The following LRP1B variants were observed in gnomAD, a reference collection of about 807,000 sequenced individuals.
The protein encoded by LRP1B is low-density lipoprotein receptor-related protein 1B.
A neutral mutation model predicts 556.6 loss-of-function variants in LRP1B; 217 were observed. That is an observed-to-expected ratio of 0.39 (90% CI 0.35 to 0.44). The LOEUF (loss-of-function observed/expected upper bound fraction) is 0.44, where lower values mean the gene tolerates loss of function less well. LRP1B is among the 20% of genes least tolerant of loss of function. The probability of loss-of-function intolerance (pLI) is 1.00; values close to 1 mark genes in which losing one functional copy is unlikely to be tolerated. For synonymous variants in LRP1B, 2,047 were observed against 1,865.8 expected, an observed-to-expected ratio of 1.10 and a Z score of -2.50; for missense variants, 5,053 against 5,620.8, an observed-to-expected ratio of 0.90 and a Z score of 3.23.
intron 2 of LRP1B, among the ~76,000 whole-genome samples, chr2:141,661,018 A>G (rs1690199592): frequency 6.6e-6 from 1 of 152,210 alleles, no homozygotes; most frequent in Non-Finnish European, 1.5e-5. Context: ...CTCCAGGTGC[A>G]GGAGGGAACC....
intron 1 of LRP1B, among the ~76,000 whole-genome samples, chr2:142,083,589 A>G (rs1574665969): frequency 6.6e-6 from 1 of 152,214 alleles, no homozygotes; most frequent in Non-Finnish European, 1.5e-5. Flanking sequence ...CTCTTGAGGA[A>G]TTCAGATGGA....
intron 61 of LRP1B, 110 bp from the exon 62 acceptor site, chr2:140,456,713 T>C: frequency 8.5e-6 from 8 of 936,662 alleles, no homozygotes; most frequent in Non-Finnish European, 1.1e-5. Flanking sequence ...TTAGAATAAA[T>C]CTTTGTACTC....
chr2:140,723,324 A>G (rs904931426), intron 35 of LRP1B, among the ~76,000 whole-genome samples: 1 of 152,182 alleles, frequency 6.6e-6, no homozygotes, highest in African/African-American at 2.4e-5. Context: ...AACTTTGGGA[A>G]CATCAAAAAC....
chr2:141,093,588 T>G (rs1396656116), intron 7 of LRP1B, among the ~76,000 whole-genome samples: 1 of 152,116 alleles, frequency 6.6e-6, no homozygotes, highest in Non-Finnish European at 1.5e-5. Flanking sequence ...CTGCCTGCTG[T>G]GCAAACACAG....
chr2:141,592,837 T>C (rs757056190), intron 2 of LRP1B, among the ~76,000 whole-genome samples: 11 of 152,114 alleles, frequency 7.2e-5, no homozygotes, highest in Non-Finnish European at 1.5e-4. Context: ...TACTCTGGAG[T>C]GTATTCAAGC....
intron 19 of LRP1B, 65 bp downstream of exon 19, chr2:140,951,795 C>T (rs2105302474): frequency 7.8e-7 from 1 of 1,274,480 alleles, no homozygotes; most frequent in Non-Finnish European, 1.1e-6. Flanking sequence ...TGAAGAAAGC[C>T]AGGCAGTCCA....
intron 2 of LRP1B, among the ~76,000 whole-genome samples, chr2:141,733,587 A>G (rs963081426): frequency 3.3e-5 from 5 of 152,068 alleles, no homozygotes. Context: ...ATAAAGTTTA[A>G]ATTGCTTAGC....
At chr2:141,767,519 A>G (rs1406481726) in intron 2 of LRP1B, among the ~76,000 whole-genome samples, 3 of 152,094 alleles carry the variant, frequency 2.0e-5, no homozygotes, top group African/African-American at 7.2e-5. Flanking sequence ...TGATGAATAG[A>G]CCGTTCATTT....
At chr2:141,962,994 T>G (rs542200768) in intron 1 of LRP1B, among the ~76,000 whole-genome samples, 67 of 151,968 alleles carry the variant, frequency 4.4e-4, no homozygotes, top group African/African-American at 1.5e-3. Context: ...GGATTCATAC[T>G]TTTTTTAATC....
At chr2:141,369,052 G>A (rs375673863) in intron 3 of LRP1B, among the ~76,000 whole-genome samples, 3 of 152,030 alleles carry the variant, frequency 2.0e-5, no homozygotes, top group African/African-American at 7.2e-5. Flanking sequence ...TTGCCAATTT[G>A]CCCTTGCAGA....
intron 37 of LRP1B, among the ~76,000 whole-genome samples, chr2:140,708,278 A>T (rs1686911312): frequency 6.6e-6 from 1 of 151,942 alleles, no homozygotes; most frequent in African/African-American, 2.4e-5. Flanking sequence ...AGGCAAAAAT[A>T]AAGATATAGG....
At chr2:142,039,770 C>T (rs1361857400) in intron 1 of LRP1B, among the ~76,000 whole-genome samples, 1 of 151,522 alleles carries the variant, frequency 6.6e-6, no homozygotes, top group Non-Finnish European at 1.5e-5. Context: ...ATCATATTCA[C>T]TATTTCTCAT....
chr2:140,537,617 G>A (rs1479117872), intron 45 of LRP1B, among the ~76,000 whole-genome samples: 1 of 152,080 alleles, frequency 6.6e-6, no homozygotes, highest in African/African-American at 2.4e-5. Context: ...GTGGGATGAG[G>A]TGCAGGAGGA....
intron 41 of LRP1B, among the ~76,000 whole-genome samples, chr2:140,650,949 T>C (rs867103814): frequency 3.9e-5 from 6 of 152,064 alleles, no homozygotes; most frequent in Non-Finnish European, 8.8e-5. Flanking sequence ...AAGTGAAAGA[T>C]GGCATGTATT....
chr2:141,586,174 A>T (rs935561833), intron 2 of LRP1B, among the ~76,000 whole-genome samples: 3 of 152,180 alleles, frequency 2.0e-5, no homozygotes, highest in African/African-American at 7.2e-5. Context: ...TATGAATAGA[A>T]ATGCTTGACA....
chr2:141,489,653 T>C (rs1683259835), intron 2 of LRP1B, among the ~76,000 whole-genome samples: 1 of 152,124 alleles, frequency 6.6e-6, no homozygotes. Context: ...GTTTATTTCA[T>C]AAGATCTTGT....
intron 66 of LRP1B, among the ~76,000 whole-genome samples, chr2:140,415,977 G>C (rs1685181539): frequency 6.6e-6 from 1 of 152,196 alleles, no homozygotes; most frequent in African/African-American, 2.4e-5. Flanking sequence ...TTGCATCAAG[G>C]CTGAATTGGT....
intron 2 of LRP1B, among the ~76,000 whole-genome samples, chr2:141,608,670 A>G (rs1477053793): frequency 1.3e-5 from 2 of 152,230 alleles, no homozygotes; most frequent in Non-Finnish European, 2.9e-5. Flanking sequence ...CTTTATGGAA[A>G]AAATATATAG....
intron 1 of LRP1B, among the ~76,000 whole-genome samples, chr2:141,877,751 GC>G (rs1483064928): frequency 1.3e-4 from 19 of 151,958 alleles, no homozygotes; most frequent in African/African-American, 4.3e-4. Flanking sequence ...TGAATCAGAA[GC>G]TTTTTCTGAT....
Sources: allele counts gnomAD v4.1 joint callset (sites outside exome capture counted in the v4.1 genomes callset), GRCh38; gene constraint gnomAD v4.1.1; transcripts MANE v1.5; gene names NCBI Gene and HGNC (gene_info 2026-07-23, HGNC 2026-07-21).